The following EPHA3 variants were observed in gnomAD, a reference collection of about 807,000 sequenced individuals.
EPHA3 encodes EPH receptor A3, also known as ephrin type-A receptor 3.
EPHA3 carries 42 observed loss-of-function variants against 107.1 expected under a neutral mutation model. That is an observed-to-expected ratio of 0.39 (90% CI 0.31 to 0.51). The LOEUF is 0.51. Ranked by LOEUF, EPHA3 falls within the 20% of genes least tolerant of loss-of-function variation. The pLI, the probability that EPHA3 is intolerant of heterozygous loss-of-function variation, is 0.78. For synonymous variants in EPHA3, 461 were observed against 424.8 expected, an observed-to-expected ratio of 1.09 and a Z score of -1.05; for missense variants, 1,183 against 1,211.2, an observed-to-expected ratio of 0.98 and a Z score of 0.35.
chr3:89,451,252 CT>C, intron 15 of EPHA3, among the ~76,000 whole-genome samples: 1 of 151,930 alleles, frequency 6.6e-6, no homozygotes, highest in Non-Finnish European at 1.5e-5. Context: ...ACTGAGTTCT[CT>C]CAGTGGTTAG....
chr3:89,261,046 CT>C (rs1474508777), intron 3 of EPHA3, among the ~76,000 whole-genome samples: 1 of 152,178 alleles, frequency 6.6e-6, no homozygotes, highest in Non-Finnish European at 1.5e-5. Flanking sequence ...TGAGCTTGCT[CT>C]TCTTACAATG....
intron 5 of EPHA3, among the ~76,000 whole-genome samples, chr3:89,365,121 A>C (rs1241668069): frequency 6.6e-6 from 1 of 150,958 alleles, no homozygotes; most frequent in African/African-American, 2.4e-5. Flanking sequence ...ATAAAGAAAA[A>C]GAATGATTAT....
At chr3:89,471,685 A>G (rs530328840) in intron 15 of EPHA3, among the ~76,000 whole-genome samples, 1 of 152,012 alleles carries the variant, frequency 6.6e-6, no homozygotes, top group Non-Finnish European at 1.5e-5. Flanking sequence ...AGCTGATTGT[A>G]TTGTGCAATA....
rs547706656 is a variant in EPHA3, at chr3:89,250,835, T to C, written c.814+40315T>C. Among the ~76,000 whole-genome samples the C allele has an allele frequency of 3.3e-5, 5 of 152,322 alleles. No homozygotes were observed. In the East Asian group the frequency reaches 9.6e-4, roughly 29 times the overall value. The stretch of plus-strand genomic sequence containing the variant: ...CATTTACATACGAAGCCCCAACTGA[T>C]CACTGTAACTAGGTAAAATTTATTT... On this transcript the variant is annotated intron_variant, in intron 3 of 16. Coordinates refer to ENST00000336596, the MANE Select transcript of EPHA3 (RefSeq NM_005233.6).
chr3:89,339,199 T>G (rs894182510), intron 3 of EPHA3, among the ~76,000 whole-genome samples: 1 of 151,834 alleles, frequency 6.6e-6, no homozygotes, highest in African/African-American at 2.4e-5. Flanking sequence ...GGTGAAACTC[T>G]GTCTCTACTA....
rs759120465 is a variant in EPHA3, at chr3:89,395,892, T to C, written c.1362T>C (p.Ser454=). The change falls in exon 6 of 17, where the codon TCT becomes TCC. Residue 454 remains serine (S), a synonymous_variant. Transcript: ENST00000336596. ...ATCGGACCTCCAGAAATAGCATCTC[T>C]TTGTCCTGGCAAGAACCTGAACATC... ...KKDRTSRNSI[S]LSWQEPEHPN... The C allele has an allele frequency of 3.7e-6, 6 of 1,614,050 alleles. No homozygotes were observed. The highest frequency in any genetic ancestry group is 5.1e-6 in the Non-Finnish European group (6 of 1,179,944).
intron 5 of EPHA3, among the ~76,000 whole-genome samples, chr3:89,378,488 GT>G (rs1271726717): frequency 6.6e-6 from 1 of 151,716 alleles, no homozygotes; most frequent in Non-Finnish European, 1.5e-5. Context: ...ATGTAATTTA[GT>G]TTTTTACAAA....
chr3:89,404,892 A>G (rs1459410488), intron 7 of EPHA3, among the ~76,000 whole-genome samples: 1 of 152,182 alleles, frequency 6.6e-6, no homozygotes, highest in Non-Finnish European at 1.5e-5. Flanking sequence ...TACAGTATGC[A>G]AAGTGAAAAG....
chr3:89,288,442 T>G (rs1706140120), intron 3 of EPHA3, among the ~76,000 whole-genome samples: 1 of 152,128 alleles, frequency 6.6e-6, no homozygotes, highest in Admixed American at 6.6e-5. Flanking sequence ...GGATACAGAA[T>G]GTACTGTATA....
intron 5 of EPHA3, among the ~76,000 whole-genome samples, chr3:89,380,435 TG>T (rs1322572145): frequency 2.2e-4 from 33 of 152,198 alleles, no homozygotes; most frequent in Non-Finnish European, 4.3e-4. Context: ...GTTTATTATT[TG>T]TCACACAGAC....
intron 3 of EPHA3, among the ~76,000 whole-genome samples, chr3:89,234,828 CT>C (rs1704717429): frequency 9.0e-6 from 1 of 110,544 alleles, no homozygotes; most frequent in African/African-American, 3.6e-5. Flanking sequence ...CCTTCCTTTC[CT>C]TTCCTTTCTT....
intron 5 of EPHA3, among the ~76,000 whole-genome samples, chr3:89,378,190 A>G (rs1221506416): frequency 1.3e-5 from 2 of 152,114 alleles, no homozygotes; most frequent in Non-Finnish European, 1.5e-5. Context: ...TCAGCAAACC[A>G]CCATAGCACG....
At chr3:89,117,805 T>C (rs983300554) in intron 1 of EPHA3, among the ~76,000 whole-genome samples, 1 of 152,112 alleles carries the variant, frequency 6.6e-6, no homozygotes, top group African/African-American at 2.4e-5. Context: ...TCCCCAATTG[T>C]CCTCTAATCA....
intron 1 of EPHA3, among the ~76,000 whole-genome samples, chr3:89,116,834 C>T (rs1418975218): frequency 6.6e-6 from 1 of 151,756 alleles, no homozygotes; most frequent in African/African-American, 2.4e-5. Context: ...CAAACTTTTT[C>T]CCCCTTACTT....
intron 3 of EPHA3, among the ~76,000 whole-genome samples, chr3:89,239,305 G>A (rs1704840008): frequency 6.6e-6 from 1 of 152,086 alleles, no homozygotes; most frequent in South Asian, 2.1e-4. Flanking sequence ...AAGCAACACA[G>A]GAATATTTCA....
At chr3:89,273,726 G>A (rs1031807713) in intron 3 of EPHA3, among the ~76,000 whole-genome samples, 3 of 141,198 alleles carry the variant, frequency 2.1e-5, no homozygotes, top group Non-Finnish European at 4.6e-5. Flanking sequence ...CTTATTTTAT[G>A]TATGTTTCTG....
chr3:89,113,318 C>T (rs1220407446), intron 1 of EPHA3, among the ~76,000 whole-genome samples: 1 of 151,500 alleles, frequency 6.6e-6, no homozygotes, highest in Admixed American at 6.6e-5. Context: ...GAAGACATCC[C>T]TCAGTGTGTT....
chr3:89,345,410 A>ATT (rs1254300733), intron 5 of EPHA3, among the ~76,000 whole-genome samples: 1 of 151,308 alleles, frequency 6.6e-6, no homozygotes, highest in Non-Finnish European at 1.5e-5. Flanking sequence ...AATTGGATTC[A>ATT]TTCACATGTG....
intron 2 of EPHA3, among the ~76,000 whole-genome samples, chr3:89,153,063 T>C (rs952418919): frequency 1.3e-5 from 2 of 152,108 alleles, no homozygotes; most frequent in Non-Finnish European, 2.9e-5. Flanking sequence ...TAAGCACCAC[T>C]GTAATAAGCA....
Sources: allele counts gnomAD v4.1 joint callset (sites outside exome capture counted in the v4.1 genomes callset), GRCh38; gene constraint gnomAD v4.1.1; transcripts MANE v1.5; gene names NCBI Gene and HGNC (gene_info 2026-07-23, HGNC 2026-07-21).